TEX11: variants seen among roughly 807,000 people sequenced by gnomAD.
The protein encoded by TEX11 is testis-expressed protein 11.
TEX11 carries 7 observed loss-of-function variants against 84.4 expected under a neutral mutation model. The observed-to-expected ratio is 0.08, with a 90% confidence interval of 0.05 to 0.16. The LOEUF (loss-of-function observed/expected upper bound fraction) is 0.16. Among genes scored for constraint, TEX11 ranks in the 10% least tolerant of loss-of-function variants. The pLI is 1.00. For missense variants in TEX11, 551 were observed against 660.5 expected, an observed-to-expected ratio of 0.83 and a Z score of 1.82; for synonymous variants, 264 against 222.8, an observed-to-expected ratio of 1.18 and a Z score of -1.64.
At chrX:70,559,054 T>C (rs2088327365) in intron 25 of TEX11, among the ~76,000 whole-genome samples, 1 of 111,828 alleles carries the variant, frequency 8.9e-6, no homozygotes, top group Admixed American at 9.5e-5. Flanking sequence ...GACCCAGCAA[T>C]TCCACTCCTA....
At position 70,798,028 on chromosome X, in the gene TEX11, G is replaced by C. The variant is rs114169246; in HGVS notation, c.692+8677C>G. Among the ~76,000 whole-genome samples, 549 of 101,894 alleles carry C rather than the reference G, an allele frequency of 5.4e-3. 4 individuals carry two copies. The highest frequency in any genetic ancestry group is 6.7e-3 in the Non-Finnish European group (331 of 49,756). 88.5% of individuals were successfully genotyped at this position (101,894 alleles called of 115,157 possible). A position where few individuals can be genotyped will look rare whatever the true frequency, so the allele number is the denominator to read the frequency against. ...AGCCAGAGCAATTAGGCAAGATGAG[G>C]GGGGGGGAAAGGCATTCAAATTTGA... On this transcript the variant is annotated intron_variant, in intron 9 of 29. Coordinates refer to ENST00000374333, the MANE Select transcript of TEX11 (RefSeq NM_031276.3).
At chrX:70,905,892 A>G (rs184505370) in intron 2 of TEX11, among the ~76,000 whole-genome samples, 2,059 of 103,141 alleles carry the variant, frequency 0.02, 43 homozygotes, top group African/African-American at 0.068. Context: ...TTTCTACTAA[A>G]AATACAAAAA....
intron 13 of TEX11, among the ~76,000 whole-genome samples, chrX:70,720,976 C>A (rs2090554714): frequency 9.1e-6 from 1 of 110,301 alleles, no homozygotes; most frequent in African/African-American, 3.3e-5. Context: ...AAAGTGTGAG[C>A]TCTGCAAACA....
chrX:70,888,391 T>C (rs1250505797), intron 2 of TEX11, among the ~76,000 whole-genome samples: 1 of 112,393 alleles, frequency 8.9e-6, no homozygotes, highest in Non-Finnish European at 1.9e-5. Flanking sequence ...ATACTTTAAA[T>C]TAATCAAACA....
chrX:70,733,570 G>T (rs2090671736), intron 11 of TEX11, among the ~76,000 whole-genome samples: 1 of 111,664 alleles, frequency 9.0e-6, no homozygotes, highest in African/African-American at 3.3e-5. Context: ...ATCATCATTG[G>T]CCATCAGAGA....
At chrX:70,692,389 C>T (rs1003366539) in intron 13 of TEX11, among the ~76,000 whole-genome samples, 2 of 110,978 alleles carry the variant, frequency 1.8e-5, no homozygotes, top group African/African-American at 6.5e-5. Flanking sequence ...TTTTTCATAT[C>T]GTGTAACTGA....
intron 16 of TEX11, among the ~76,000 whole-genome samples, chrX:70,651,830 A>C (rs2089814936): frequency 8.9e-6 from 1 of 112,205 alleles, no homozygotes; most frequent in African/African-American, 3.2e-5. Flanking sequence ...CAGAAAGAAC[A>C]AAAGAGCAAC....
intron 8 of TEX11, among the ~76,000 whole-genome samples, chrX:70,830,198 G>A (rs2091369829): frequency 9.0e-6 from 1 of 111,586 alleles, no homozygotes; most frequent in Admixed American, 9.6e-5. Context: ...CGGAAACCAC[G>A]AAAGAGCAGG....
intron 1 of TEX11, 41 bp from the exon 2 acceptor site, chrX:70,907,851 C>T (rs2091842515): frequency 2.4e-6 from 2 of 844,101 alleles, no homozygotes; most frequent in Admixed American, 2.4e-5. Context: ...GTTTTATCCT[C>T]TAGTTTCTCA....
At chrX:70,555,705 C>T (rs1045169806) in intron 25 of TEX11, among the ~76,000 whole-genome samples, 2 of 112,010 alleles carry the variant, frequency 1.8e-5, no homozygotes, top group African/African-American at 6.5e-5. Flanking sequence ...GGGAATTGGG[C>T]CCTCCTTTCA....
In TEX11 at chrX:70,629,713, T is replaced by C. The variant is rs1011553350; in HGVS notation, c.1506A>G (p.Leu502=). ...SERALQAIIT[L]ENILTDEESE... ...ACTCTTCATCTGTTAATATATTCTC[T>C]AAAGTAATTATTGCCTGCAAAGCTG... The change falls in exon 18 of 30, where the codon TTA becomes TTG. Residue 502 remains leucine (L), a synonymous_variant. Transcript: ENST00000374333. 14 of 1,175,163 alleles carry C rather than the reference T, an allele frequency of 1.2e-5. No homozygotes were observed. The highest frequency in any genetic ancestry group is 1.6e-5 in the Non-Finnish European group (14 of 871,107).
At chrX:70,735,724 T>A (rs2090690794) in intron 11 of TEX11, among the ~76,000 whole-genome samples, 1 of 112,126 alleles carries the variant, frequency 8.9e-6, no homozygotes, top group Non-Finnish European at 1.9e-5. Context: ...AACAAGCTGA[T>A]TCCAAAATAT....
intron 11 of TEX11, among the ~76,000 whole-genome samples, chrX:70,733,053 A>G (rs1187606642): frequency 8.9e-6 from 1 of 112,204 alleles, no homozygotes; most frequent in Non-Finnish European, 1.9e-5. Context: ...CAATGGGGAA[A>G]GGATTCCCAA....
chrX:70,569,735 G>T (rs911777570), intron 25 of TEX11, among the ~76,000 whole-genome samples: 1 of 111,451 alleles, frequency 9.0e-6, no homozygotes, highest in African/African-American at 3.3e-5. Flanking sequence ...TTCGTGAACC[G>T]CAAATGCTGC....
At chrX:70,578,023 C>T in intron 25 of TEX11, among the ~76,000 whole-genome samples, 1 of 111,759 alleles carries the variant, frequency 8.9e-6, no homozygotes, top group Non-Finnish European at 1.9e-5. Context: ...CCACCACACC[C>T]AGCCAAGGTT....
chrX:70,591,945 G>A (rs2088937468), intron 24 of TEX11, 122 bp from the exon 25 acceptor site: 8 of 455,271 alleles, frequency 1.8e-5, no homozygotes, highest in Non-Finnish European at 2.9e-5. Flanking sequence ...AAAAATGATA[G>A]TTTAAACTGA....
intron 25 of TEX11, among the ~76,000 whole-genome samples, chrX:70,585,188 A>C (rs1056273774): frequency 1.8e-5 from 2 of 112,504 alleles, no homozygotes; most frequent in African/African-American, 6.4e-5. Flanking sequence ...TTGCAGGTAC[A>C]AGATGAACAT....
intron 8 of TEX11, among the ~76,000 whole-genome samples, chrX:70,813,703 T>G (rs2091270810): frequency 9.0e-6 from 1 of 111,593 alleles, no homozygotes. Flanking sequence ...GAAAACCCCA[T>G]CGTCTCAGCC....
At chrX:70,549,159 G>C (rs773337719) in intron 28 of TEX11, among the ~76,000 whole-genome samples, 1 of 111,070 alleles carries the variant, frequency 9.0e-6, no homozygotes. Flanking sequence ...GACACACCTC[G>C]GGCTAAAAGG....
Sources: allele counts gnomAD v4.1 joint callset (sites outside exome capture counted in the v4.1 genomes callset), GRCh38; gene constraint gnomAD v4.1.1; transcripts MANE v1.5; gene names NCBI Gene and HGNC (gene_info 2026-07-23, HGNC 2026-07-21).